The following CNTNAP5 variants were observed in gnomAD, a reference collection of about 807,000 sequenced individuals.
The protein encoded by CNTNAP5 is contactin-associated protein-like 5.
CNTNAP5 carries 72 observed loss-of-function variants against 150.2 expected under a neutral mutation model. That is an observed-to-expected ratio of 0.48 (90% CI 0.40 to 0.58). The LOEUF (loss-of-function observed/expected upper bound fraction) is 0.58. Ranked by LOEUF, CNTNAP5 falls within the 20% of genes least tolerant of loss-of-function variation. The pLI is 0.00. For missense variants in CNTNAP5, 1,636 were observed against 1,626.2 expected (o/e 1.01, Z -0.10); for synonymous variants, 672 against 619.8 (o/e 1.08, Z -1.25).
intron 13 of CNTNAP5, among the ~76,000 whole-genome samples, chr2:124,717,626 T>C (rs1679970627): frequency 6.6e-6 from 1 of 152,150 alleles, no homozygotes; most frequent in African/African-American, 2.4e-5. Context: ...ATCCACAATT[T>C]AAAGAATTGA....
chr2:124,127,159 C>T (rs1387128585), intron 1 of CNTNAP5, among the ~76,000 whole-genome samples: 1 of 152,090 alleles, frequency 6.6e-6, no homozygotes, highest in Non-Finnish European at 1.5e-5. Context: ...TTTAGAAATC[C>T]CTATCGTCTC....
chr2:124,689,677 TTTGA>T (rs1266636661), intron 13 of CNTNAP5, among the ~76,000 whole-genome samples: 12 of 152,060 alleles, frequency 7.9e-5, no homozygotes, highest in African/African-American at 1.4e-4. Flanking sequence ...CGTGTGTGTG[TTTGA>T]TTGGGTGGGG....
chr2:124,765,262 T>C (rs952135333), intron 16 of CNTNAP5, among the ~76,000 whole-genome samples: 1 of 152,090 alleles, frequency 6.6e-6, no homozygotes, highest in Non-Finnish European at 1.5e-5. Flanking sequence ...CAACAGAAAA[T>C]TAATGATAAA....
rs116069799 is a variant in CNTNAP5, at chr2:124,587,826, T to C, written c.1757-21975T>C. On this transcript the variant is annotated intron_variant, in intron 11 of 23. Transcript: ENST00000682447. Reference sequence around the variant, plus strand: ...TGAATAAGTGAGTTGGGAAACATTCTTAACTTACATAGTTACATGATGACT... The same window carrying C: ...TGAATAAGTGAGTTGGGAAACATTCCTAACTTACATAGTTACATGATGACT... 6.6e-3 allele frequency among the ~76,000 whole-genome samples: 998 copies of C among 152,298 alleles called. 11 individuals carry two copies. Among genetic ancestry groups the C allele is most frequent in the African/African-American group, 0.023 (951 of 41,580 alleles).
intron 1 of CNTNAP5, among the ~76,000 whole-genome samples, chr2:124,162,367 A>C (rs181900576): frequency 1.3e-5 from 2 of 152,192 alleles, no homozygotes; most frequent in African/African-American, 4.8e-5. Context: ...GGCAGATCTT[A>C]TTATCTTTAC....
At chr2:124,706,901 A>G (rs147560470) in intron 13 of CNTNAP5, among the ~76,000 whole-genome samples, 23 of 7,912 alleles carry the variant, frequency 2.9e-3, no homozygotes, top group African/African-American at 4.7e-3. Flanking sequence ...GAGGAAGAAG[A>G]AGGAGGAGGA....
intron 13 of CNTNAP5, among the ~76,000 whole-genome samples, chr2:124,709,232 C>CGTGTGTGTGT (rs778269827): frequency 2.2e-5 from 3 of 138,770 alleles, no homozygotes; most frequent in African/African-American, 7.8e-5. Context: ...TGTGTGTGTG[C>CGTGTGTGTGT]GTGTGTGTGT....
intron 19 of CNTNAP5, among the ~76,000 whole-genome samples, chr2:124,811,706 CG>C (rs70999221): frequency 7.3e-6 from 1 of 136,578 alleles, no homozygotes. Context: ...CTTTAGGAGG[CG>C]GGGGGGGTGG....
intron 16 of CNTNAP5, among the ~76,000 whole-genome samples, chr2:124,769,198 G>A (rs2123855): frequency 0.52 from 79,127 of 151,836 alleles, 21,246 homozygotes; most frequent in East Asian, 0.84. Flanking sequence ...GGTCAGTCCT[G>A]GAAGAACATC....
At chr2:124,831,880 T>C (rs1041266457) in intron 19 of CNTNAP5, among the ~76,000 whole-genome samples, 18 of 152,058 alleles carry the variant, frequency 1.2e-4, no homozygotes, top group African/African-American at 3.6e-4. Flanking sequence ...TAGTCATCAT[T>C]TAAATTTATT....
intron 1 of CNTNAP5, among the ~76,000 whole-genome samples, chr2:124,030,871 A>C (rs1000211687): frequency 6.6e-6 from 1 of 152,148 alleles, no homozygotes; most frequent in Non-Finnish European, 1.5e-5. Context: ...ACATGTTGAC[A>C]TGACGGGTTG....
At chr2:124,378,988 A>AT (rs546054133) in intron 3 of CNTNAP5, among the ~76,000 whole-genome samples, 1 of 151,700 alleles carries the variant, frequency 6.6e-6, no homozygotes, top group Non-Finnish European at 1.5e-5. Flanking sequence ...ATATTTTCTA[A>AT]TTTTTTTTCT....
At chr2:124,403,386 A>C (rs1386887480) in intron 3 of CNTNAP5, among the ~76,000 whole-genome samples, 1 of 152,224 alleles carries the variant, frequency 6.6e-6, no homozygotes, top group African/African-American at 2.4e-5. Context: ...TAAGATTCAC[A>C]TCTTCCCTGG....
At chr2:124,289,651 T>G (rs1235725462) in intron 3 of CNTNAP5, among the ~76,000 whole-genome samples, 1 of 152,224 alleles carries the variant, frequency 6.6e-6, no homozygotes, top group African/African-American at 2.4e-5. Context: ...TCAATGTATA[T>G]TTTTTAAATG....
At chr2:124,625,771 G>T (rs1454133) in intron 12 of CNTNAP5, among the ~76,000 whole-genome samples, 63,174 of 152,026 alleles carry the variant, frequency 0.42, 15,414 homozygotes, top group Non-Finnish European at 0.56. Context: ...GATTTATTGA[G>T]GCACTGCTTG....
At chr2:124,451,046 A>T (rs1360907220) in intron 6 of CNTNAP5, among the ~76,000 whole-genome samples, 4 of 73,386 alleles carry the variant, frequency 5.5e-5, no homozygotes, top group African/African-American at 2.1e-4. Context: ...AAAAAAAAAA[A>T]AAAAAATATA....
At chr2:124,877,068 TC>T (rs1677874531) in intron 21 of CNTNAP5, among the ~76,000 whole-genome samples, 1 of 152,112 alleles carries the variant, frequency 6.6e-6, no homozygotes, top group South Asian at 2.1e-4. Context: ...TTACATTTTT[TC>T]CCCACAGAGA....
intron 7 of CNTNAP5, among the ~76,000 whole-genome samples, chr2:124,477,108 A>G (rs1016798126): frequency 4.6e-5 from 7 of 152,168 alleles, no homozygotes; most frequent in African/African-American, 7.2e-5. Context: ...ACTTAGCAGA[A>G]TAAATAGGGA....
chr2:124,397,995 T>G (rs1246487202), intron 3 of CNTNAP5, among the ~76,000 whole-genome samples: 1 of 152,216 alleles, frequency 6.6e-6, no homozygotes, highest in African/African-American at 2.4e-5. Context: ...GGCAAAATGT[T>G]TACATTTTTT....
Sources: allele counts gnomAD v4.1 joint callset (sites outside exome capture counted in the v4.1 genomes callset), GRCh38; gene constraint gnomAD v4.1.1; transcripts MANE v1.5; gene names NCBI Gene and HGNC (gene_info 2026-07-23, HGNC 2026-07-21).